Variants in FOXP2 observed in about 807,000 individuals in gnomAD.
FOXP2 encodes forkhead box protein P2.
A neutral mutation model predicts 115.8 loss-of-function variants in FOXP2; 12 were observed. The observed-to-expected ratio is 0.10, with a 90% CI of 0.07 to 0.17. The LOEUF (loss-of-function observed/expected upper bound fraction) is 0.17. Ranked by LOEUF, FOXP2 falls within the 10% of genes least tolerant of loss-of-function variation. The probability of loss-of-function intolerance (pLI) is 1.00; values close to 1 mark genes in which losing one functional copy is unlikely to be tolerated. For missense variants in FOXP2, 629 were observed against 843.5 expected (o/e 0.75, Z 3.15); for synonymous variants, 328 against 297.7 (o/e 1.10, Z -1.05).
chr7:114,301,750 A>T lies in FOXP2; in HGVS notation c.-11+13641A>T, dbSNP rs75371916. On this transcript the variant is annotated intron_variant, in intron 2 of 17. Coordinates refer to the FOXP2 transcript ENST00000634411. ...CTATCTTAGCAGCATAACTTGGAGG[A>T]ATCCTCTAAGAATGTTTGTTTAGAA... 7.7e-3 allele frequency among the ~76,000 whole-genome samples: 1,171 copies of T among 152,234 alleles called. 15 individuals are homozygous for T. Among genetic ancestry groups the T allele is most frequent in the African/African-American group, 0.026 (1,093 of 41,566 alleles).
At chr7:114,148,539 G>T (rs1384421349) in intron 1 of FOXP2, among the ~76,000 whole-genome samples, 2 of 152,102 alleles carry the variant, frequency 1.3e-5, no homozygotes, top group Non-Finnish European at 2.9e-5. Flanking sequence ...CTAAGGCAAG[G>T]TTAATTTTGC....
chr7:114,534,591 A>G, intron 2 of FOXP2, 26 bp from the exon 3 acceptor site: 1 of 1,589,366 alleles, frequency 6.3e-7, no homozygotes, highest in South Asian at 1.1e-5. Context: ...CAAAATATTT[A>G]GATAAGGTTT....
At chr7:114,525,439 A>G (rs1798813557) in intron 2 of FOXP2, among the ~76,000 whole-genome samples, 1 of 152,230 alleles carries the variant, frequency 6.6e-6, no homozygotes, top group Non-Finnish European at 1.5e-5. Context: ...GCAATATTCC[A>G]GAAGAAAATA....
chr7:114,228,920 AAATT>A (rs1028874710), intron 1 of FOXP2, among the ~76,000 whole-genome samples: 2 of 151,434 alleles, frequency 1.3e-5, no homozygotes, highest in East Asian at 3.9e-4. Context: ...TTTTAAATTT[AAATT>A]AATTAAACTG....
At chr7:114,433,783 A>G (rs1007911269) in intron 2 of FOXP2, among the ~76,000 whole-genome samples, 1 of 152,010 alleles carries the variant, frequency 6.6e-6, no homozygotes, top group South Asian at 2.1e-4. Context: ...AATAGATTTC[A>G]TAGTATTAAA....
At chr7:114,267,333 TTTCATTTACTA>T (rs1795918406) in intron 1 of FOXP2, among the ~76,000 whole-genome samples, 2 of 152,220 alleles carry the variant, frequency 1.3e-5, no homozygotes, top group Admixed American at 6.5e-5. Context: ...CTTCCATTAC[TTTCATTTACTA>T]TTCATTTACT....
intron 1 of FOXP2, among the ~76,000 whole-genome samples, chr7:114,422,986 A>G (rs1793683501): frequency 6.6e-6 from 1 of 151,682 alleles, no homozygotes; most frequent in Non-Finnish European, 1.5e-5. Flanking sequence ...TAAACACAAA[A>G]GCACTGTTGT....
rs954523595 is a variant in FOXP2 at position 114,624,507 on chromosome 7, C to T, written c.259-4033C>T. On this transcript the variant is annotated intron_variant, in intron 3 of 16. Coordinates refer to ENST00000350908, the MANE Select transcript of FOXP2 (RefSeq NM_014491.4). ...ACACTATACTAAGAACCTTTCCAAT[C>T]TCCCACACATAATTGGGATGTTTAA... Among the ~76,000 whole-genome samples the T allele has an allele frequency of 2.6e-4, 40 of 151,844 alleles. 1 individual carries two copies. The highest frequency in any genetic ancestry group is 8.9e-5 in the Non-Finnish European group (6 of 67,768).
intron 1 of FOXP2, among the ~76,000 whole-genome samples, chr7:114,092,160 G>C (rs1462827436): frequency 6.6e-6 from 1 of 151,962 alleles, no homozygotes; most frequent in Non-Finnish European, 1.5e-5. Flanking sequence ...GTTTATTAAT[G>C]TTCTTCAATT....
chr7:114,312,345 G>T (rs1244277461), intron 2 of FOXP2, among the ~76,000 whole-genome samples: 1 of 152,018 alleles, frequency 6.6e-6, no homozygotes, highest in Admixed American at 6.6e-5. Flanking sequence ...TTTTATTTCT[G>T]CCTCTCTCTG....
chr7:114,406,980 G>A (rs1336128475), intron 2 of FOXP2, among the ~76,000 whole-genome samples: 1 of 151,886 alleles, frequency 6.6e-6, no homozygotes, highest in Non-Finnish European at 1.5e-5. Context: ...TTAGTAACTT[G>A]AACAGAGAGA....
At position 114,652,193 on chromosome 7, in the gene FOXP2, G is replaced by C. The variant is rs999009953; in HGVS notation, c.1095-10G>C. ...CTTTACATTCTGTTTTGTGTCTTCT[G>C]TTTGTTTAGGCACCTTAACAATGAA... On this transcript the variant is annotated splice_polypyrimidine_tract_variant and intron_variant, in intron 8 of 16. Coordinates refer to ENST00000350908, the MANE Select transcript of FOXP2 (RefSeq NM_014491.4). 6.2e-7 allele frequency: 1 copy of C among 1,612,172 alleles called. No homozygotes were observed. The highest frequency in any genetic ancestry group is 8.5e-7 in the Non-Finnish European group (1 of 1,178,780).
At chr7:114,591,726 A>T (rs970084870) in intron 3 of FOXP2, among the ~76,000 whole-genome samples, 2 of 152,106 alleles carry the variant, frequency 1.3e-5, no homozygotes, top group African/African-American at 4.8e-5. Flanking sequence ...CATAGAAGCT[A>T]TGTACAGGGT....
chr7:114,688,327 C>T (rs1808484425), intron 16 of FOXP2, among the ~76,000 whole-genome samples: 1 of 150,358 alleles, frequency 6.7e-6, no homozygotes, highest in Admixed American at 6.7e-5. Flanking sequence ...TTTACTAACA[C>T]CAAACAACAA....
intron 2 of FOXP2, among the ~76,000 whole-genome samples, chr7:114,505,293 C>A (rs79986610): frequency 0.013 from 1,908 of 151,536 alleles, 19 homozygotes; most frequent in Non-Finnish European, 0.02. Context: ...ACAAATTATT[C>A]TTTTCTGTTA....
intron 1 of FOXP2, among the ~76,000 whole-genome samples, chr7:114,090,053 A>G (rs2129138867): frequency 6.6e-6 from 1 of 152,090 alleles, no homozygotes; most frequent in South Asian, 2.1e-4. Context: ...TATCTGGGTC[A>G]GCCTCATCAC....
chr7:114,115,978 C>T (rs1416429712), intron 1 of FOXP2, among the ~76,000 whole-genome samples: 1 of 152,126 alleles, frequency 6.6e-6, no homozygotes, highest in Non-Finnish European at 1.5e-5. Context: ...ATGATTGTAA[C>T]CCCTCTAGTA....
chr7:114,424,281 G>C (rs1793742182), intron 1 of FOXP2, among the ~76,000 whole-genome samples: 1 of 151,348 alleles, frequency 6.6e-6, no homozygotes, highest in South Asian at 2.1e-4. Context: ...ACAAAGGTTA[G>C]TAGTAAATGC....
At chr7:114,176,298 T>TTCTTTCTCTCTCTCTCTCTCTCTCTCTC (rs368923204) in intron 1 of FOXP2, among the ~76,000 whole-genome samples, 64 of 76,546 alleles carry the variant, frequency 8.4e-4, no homozygotes, top group African/African-American at 3.1e-3. Context: ...CTTTCTTTCT[T>TTCTTTCTCTCTCTCTCTCTCTCTCTCTC]TCTCTCTCTC....
Sources: gnomAD v4.1 joint callset for allele counts (sites outside exome capture counted in the v4.1 genomes callset) on GRCh38, gnomAD v4.1.1 for gene constraint, MANE v1.5 for transcripts, NCBI Gene and HGNC (gene_info 2026-07-23, HGNC 2026-07-21) for gene names.